The following GALNT3 variants were observed in gnomAD, a reference collection of about 807,000 sequenced individuals.
GALNT3 encodes the protein polypeptide N-acetylgalactosaminyltransferase 3, also known as GalNAc transferase 3.
Under a neutral mutation model 69.8 loss-of-function variants are expected in GALNT3, and 51 were observed. That is an observed-to-expected ratio of 0.73 (90% CI 0.58 to 0.92). The LOEUF (loss-of-function observed/expected upper bound fraction) is 0.92, where lower values mean the gene tolerates loss of function less well. GALNT3 is among the 40% of genes least tolerant of loss of function. The probability of loss-of-function intolerance (pLI) is 0.00; values close to 1 mark genes in which losing one functional copy is unlikely to be tolerated. For synonymous variants in GALNT3, 265 were observed against 248.5 expected, an observed-to-expected ratio of 1.07 and a Z score of -0.63; for missense variants, 711 against 760.0, an observed-to-expected ratio of 0.94 and a Z score of 0.76.
chr2:165,759,317 CTG>C lies in GALNT3; in HGVS notation c.1073+17_1073+18del, dbSNP rs1447495233. On this transcript the variant is annotated intron_variant, in intron 5 of 10. Transcript: ENST00000392701. Reference sequence around the variant, plus strand: ...TGGTATAGGGTGTAAATATAAGACTCTGAGAGCAATCATCTTACTTAATTGGG... The same window carrying C: ...TGGTATAGGGTGTAAATATAAGACTCAGAGCAATCATCTTACTTAATTGGG... 1.1e-5 allele frequency: 17 copies of C among 1,585,946 alleles called. No individual in the cohort carries two copies. The East Asian group carries it at 3.6e-4, about 33-fold the overall frequency.
intron 10 of GALNT3, among the ~76,000 whole-genome samples, chr2:165,749,320 A>G (rs1156974248): frequency 6.6e-6 from 1 of 152,158 alleles, no homozygotes; most frequent in Non-Finnish European, 1.5e-5. Context: ...CCTGTTATGT[A>G]TTCTCTCAAT....
intron 1 of GALNT3, among the ~76,000 whole-genome samples, chr2:165,786,697 C>T (rs577790610): frequency 7.2e-5 from 11 of 152,214 alleles, no homozygotes; most frequent in Admixed American, 2.0e-4. Context: ...AAACAGAAGG[C>T]GAACTGTGCA....
intron 1 of GALNT3, among the ~76,000 whole-genome samples, chr2:165,778,303 T>C (rs1338319351): frequency 6.6e-6 from 1 of 152,216 alleles, no homozygotes; most frequent in Non-Finnish European, 1.5e-5. Flanking sequence ...AGATTATTCA[T>C]GTAACTGGTA....
intron 2 of GALNT3, among the ~76,000 whole-genome samples, chr2:165,768,683 T>A (rs796134882): frequency 1.4e-4 from 21 of 152,092 alleles, no homozygotes; most frequent in African/African-American, 5.1e-4. Flanking sequence ...AGTGAAACAA[T>A]AGACCAAAAG....
intron 2 of GALNT3, among the ~76,000 whole-genome samples, chr2:165,767,345 T>C (rs1688661716): frequency 6.6e-6 from 1 of 152,110 alleles, no homozygotes; most frequent in African/African-American, 2.4e-5. Flanking sequence ...AAGATTTTTT[T>C]CCTACCTTTA....
At chr2:165,787,375 C>A (rs1028686077) in intron 1 of GALNT3, among the ~76,000 whole-genome samples, 3 of 152,174 alleles carry the variant, frequency 2.0e-5, no homozygotes, top group Admixed American at 1.3e-4. Flanking sequence ...TGATGGGAGC[C>A]AAATCATGCC....
intron 1 of GALNT3, among the ~76,000 whole-genome samples, chr2:165,791,567 G>T (rs1683351978): frequency 6.6e-6 from 1 of 152,076 alleles, no homozygotes; most frequent in African/African-American, 2.4e-5. Context: ...ATTGAGGATT[G>T]CAGTAAAAGG....
chr2:165,757,682 T>C (rs1377827814), intron 6 of GALNT3, among the ~76,000 whole-genome samples: 3 of 152,202 alleles, frequency 2.0e-5, no homozygotes, highest in Non-Finnish European at 4.4e-5. Context: ...TATTTATCTC[T>C]TGTATATTCA....
At chr2:165,786,072 AAAC>A (rs869224864) in intron 1 of GALNT3, among the ~76,000 whole-genome samples, 4 of 152,194 alleles carry the variant, frequency 2.6e-5, no homozygotes, top group Non-Finnish European at 5.9e-5. Context: ...AAATGCAAAC[AAAC>A]AATGTGAGAA....
intron 9 of GALNT3, 139 bp downstream of exon 9, chr2:165,754,488 T>C: frequency 3.0e-6 from 2 of 656,462 alleles, no homozygotes; most frequent in East Asian, 2.9e-5. Flanking sequence ...TCAATATCAA[T>C]TGCCAAACTC....
rs889947897 is a variant in GALNT3 at position 165,748,451 on chromosome 2, G to A, written c.*330C>T. 3.3e-6 allele frequency: 1 copy of A among 306,982 alleles called. No homozygotes were observed. The highest frequency in any genetic ancestry group is 6.1e-6 in the Non-Finnish European group (1 of 163,318). 19.0% of individuals were successfully genotyped at this position (306,982 alleles called of 1,614,324 possible). A position where few individuals can be genotyped will look rare whatever the true frequency, so the allele number is the denominator to read the frequency against. On this transcript the variant is annotated 3_prime_UTR_variant, in exon 11 of 11. Transcript: ENST00000392701. ...GGGAAATATTTTAAATTGTGAGTGT[G>A]TGAATGTAGCTATATATATATATCC...
intron 2 of GALNT3, among the ~76,000 whole-genome samples, chr2:165,766,267 G>T (rs1688641053): frequency 6.6e-6 from 1 of 152,198 alleles, no homozygotes; most frequent in Non-Finnish European, 1.5e-5. Flanking sequence ...TAAAAGTCCT[G>T]TGCTCATGTC....
At chr2:165,774,417 C>T (rs974219204) in intron 1 of GALNT3, among the ~76,000 whole-genome samples, 1 of 152,056 alleles carries the variant, frequency 6.6e-6, no homozygotes, top group Admixed American at 6.5e-5. Flanking sequence ...GATAGTTTTC[C>T]CAAAACATTT....
intron 1 of GALNT3, among the ~76,000 whole-genome samples, chr2:165,788,535 T>C (rs148028953): frequency 1.1e-3 from 166 of 151,634 alleles, no homozygotes; most frequent in African/African-American, 3.7e-3. Flanking sequence ...GCAGACTATA[T>C]TTATATCGTA....
rs137853090 is a variant in GALNT3, at chr2:165,761,928, G to T, written c.815C>A (p.Thr272Lys). The change falls in exon 4 of 11, where the codon ACG (threonine) becomes AAG (lysine). Residue 272 changes from threonine (T) to lysine (K), a missense_variant. Coordinates refer to ENST00000392701, the MANE Select transcript of GALNT3 (RefSeq NM_004482.4). ...LLGATVATAE[T>K]LTFLDAHCEC... is the part of the protein sequence containing the mutation. ...ACAGTGAGCATCTAAAAATGTGAGCGTTTCAGCTGTTGCGACTGTTGCTCC... is the reference window on the plus strand; with the variant it reads ...ACAGTGAGCATCTAAAAATGTGAGCTTTTCAGCTGTTGCGACTGTTGCTCC... The T allele has an allele frequency of 8.1e-6, 13 of 1,613,912 alleles. No individual in the cohort carries two copies. Among genetic ancestry groups the T allele is most frequent in the Non-Finnish European group, 1.1e-5 (13 of 1,180,012 alleles).
chr2:165,749,847 C>T lies in GALNT3; in HGVS notation c.1674G>A (p.Lys558=). ...CTTGAGCAGCATGAAGACATAATTC[C>T]TTCTGGATGTTGTGCCGAATTTCAT... The part of the protein sequence containing the change: ...AQHEIRHNIQ[K]ELCLHAAQGL... The change falls in exon 10 of 11, where the codon AAG becomes AAA. Residue 558 remains lysine (K), a synonymous_variant. Coordinates refer to ENST00000392701, the MANE Select transcript of GALNT3 (RefSeq NM_004482.4). The T allele has an allele frequency of 6.2e-7, 1 of 1,613,644 alleles. No individual in the cohort carries two copies. The highest frequency in any genetic ancestry group is 8.5e-7 in the Non-Finnish European group (1 of 1,179,648).
chr2:165,780,772 A>C (rs1247322543), intron 1 of GALNT3, among the ~76,000 whole-genome samples: 1 of 152,028 alleles, frequency 6.6e-6, no homozygotes, highest in Non-Finnish European at 1.5e-5. Flanking sequence ...GCTACCAAAG[A>C]AGTCTGAGTC....
rs1037391849 is a variant in GALNT3, at chr2:165,748,383, A to T, written c.*398T>A. The T allele has an allele frequency of 3.8e-6, 1 of 264,370 alleles. No individual in the cohort carries two copies. The highest frequency in any genetic ancestry group is 2.2e-5 in the African/African-American group (1 of 45,176). 16.4% of individuals were successfully genotyped at this position (264,370 alleles called of 1,614,324 possible). On this transcript the variant is annotated 3_prime_UTR_variant, in exon 11 of 11. Transcript: ENST00000392701. Reference sequence around the variant, plus strand: ...TGATCTATTTTTATGTAGTTAAAAAAATACAGTAACAAATCTTTCTTCCTA... The same window carrying T: ...TGATCTATTTTTATGTAGTTAAAAATATACAGTAACAAATCTTTCTTCCTA...
chr2:165,780,346 C>T (rs909130465), intron 1 of GALNT3, among the ~76,000 whole-genome samples: 2 of 152,192 alleles, frequency 1.3e-5, no homozygotes, highest in Non-Finnish European at 2.9e-5. Context: ...CATACCTCTT[C>T]CTCAAACTAA....
Sources: allele counts gnomAD v4.1 joint callset (sites outside exome capture counted in the v4.1 genomes callset), GRCh38; gene constraint gnomAD v4.1.1; transcripts MANE v1.5; gene names NCBI Gene and HGNC (gene_info 2026-07-23, HGNC 2026-07-21).